LCOR: variants seen among roughly 807,000 people sequenced by gnomAD.
LCOR encodes the protein ligand dependent nuclear receptor corepressor.
Under a neutral mutation model 64.4 loss-of-function variants are expected in LCOR, and 14 were observed. The observed-to-expected ratio is 0.22, with a 90% confidence interval of 0.14 to 0.34. LCOR has a LOEUF of 0.34. Among genes scored for constraint, LCOR ranks in the 10% least tolerant of loss-of-function variants. The probability of loss-of-function intolerance (pLI) is 1.00; values close to 1 mark genes in which losing one functional copy is unlikely to be tolerated. For missense variants in LCOR, 1,686 were observed against 1,765.3 expected (o/e 0.96, Z 0.80); for synonymous variants, 643 against 642.5 (o/e 1.00, Z -0.01).
At chr10:96,852,483 C>T (rs1003059163) in intron 2 of LCOR, among the ~76,000 whole-genome samples, 5 of 152,126 alleles carry the variant, frequency 3.3e-5, no homozygotes, top group Middle Eastern at 3.2e-3. Flanking sequence ...ACATATGAAA[C>T]GTAAATGAAT....
chr10:96,873,612 G>GTGTGT (rs1466372281), intron 2 of LCOR, among the ~76,000 whole-genome samples: 2 of 139,110 alleles, frequency 1.4e-5, no homozygotes, highest in Non-Finnish European at 3.1e-5. Flanking sequence ...GTGTGTGTGT[G>GTGTGT]TGTGTTTTGA....
At position 96,981,798 on chromosome 10, in the gene LCOR, A is replaced by T; in HGVS notation, c.1338A>T (p.Ser446=). The T allele has an allele frequency of 6.2e-7, 1 of 1,614,242 alleles. No homozygotes were observed. Among genetic ancestry groups the T allele is most frequent in the Non-Finnish European group, 8.5e-7 (1 of 1,180,048 alleles). ...ANGHSRTKMI[S]TSIKTARKSK... is the part of the protein sequence containing the mutation. ...GACACTCAAGAACCAAGATGATATC[A>T]ACCTCCATCAAGACAGCTCGGAAAA... The change falls in exon 8 of 8, where the codon TCA becomes TCT. Residue 446 remains serine, a synonymous_variant. Coordinates refer to ENST00000421806, the MANE Select transcript of LCOR (RefSeq NM_001346516.2).
Position 96,948,996 on chromosome 10 carries a change from C to G in LCOR, c.-50-12C>G. 1 of 1,557,180 alleles carries G rather than the reference C, an allele frequency of 6.4e-7. No individual in the cohort carries two copies. The highest frequency in any genetic ancestry group is 8.7e-7 in the Non-Finnish European group (1 of 1,146,192). ...TGTCCCACTTTAAAAGTAAATAAATCTTTATTTACAGACAGTCCCTGGGTC... is the reference window on the plus strand; with the variant it reads ...TGTCCCACTTTAAAAGTAAATAAATGTTTATTTACAGACAGTCCCTGGGTC... On this transcript the variant is annotated splice_polypyrimidine_tract_variant and intron_variant, in intron 5 of 7. Transcript: ENST00000421806.
intron 2 of LCOR, among the ~76,000 whole-genome samples, chr10:96,843,318 AG>A (rs1471256120): frequency 6.6e-6 from 1 of 152,068 alleles, no homozygotes; most frequent in Non-Finnish European, 1.5e-5. Flanking sequence ...TTTTTGGTAG[AG>A]ATGAGGTCTT....
chr10:96,982,829 A>T lies in LCOR; in HGVS notation c.2369A>T (p.Asp790Val), dbSNP rs1848104947. 6.2e-7 allele frequency: 1 copy of T among 1,614,140 alleles called. No homozygotes were observed. The highest frequency in any genetic ancestry group is 8.5e-7 in the Non-Finnish European group (1 of 1,180,040). The change falls in exon 8 of 8, where the codon GAT (aspartate) becomes GTT (valine). Residue 790 changes from aspartate (D) to valine (V), a missense_variant. This residue lies in a region of LCOR where 1,293 missense variants were observed against 1,410.4 expected (regional missense o/e 0.92). Coordinates refer to ENST00000421806, the MANE Select transcript of LCOR (RefSeq NM_001346516.2). Reference sequence around the variant, plus strand: ...TGCCTGTCAGAAAAAGACACGTATGATACAAGCATTGACTCACTCGAAGAG... The same window carrying T: ...TGCCTGTCAGAAAAAGACACGTATGTTACAAGCATTGACTCACTCGAAGAG... ...VKCLSEKDTY[D>V]TSIDSLEENL...
chr10:96,977,797 C>T (rs903037875), intron 7 of LCOR, among the ~76,000 whole-genome samples: 1 of 152,120 alleles, frequency 6.6e-6, no homozygotes, highest in East Asian at 1.9e-4. Flanking sequence ...TTAAGTCTCC[C>T]AGGTAGCTGG....
intron 2 of LCOR, among the ~76,000 whole-genome samples, chr10:96,880,971 A>G (rs1488798657): frequency 6.6e-6 from 1 of 152,240 alleles, no homozygotes; most frequent in Non-Finnish European, 1.5e-5. Context: ...AATTCATTAC[A>G]TACAATGGAT....
At chr10:96,955,067 C>A in intron 7 of LCOR, 2 of 1,614,128 alleles carry the variant, frequency 1.2e-6, no homozygotes, top group Non-Finnish European at 1.7e-6. Context: ...CCACATCACT[C>A]AAAGTTCCAC....
chr10:96,878,549 CAAG>C (rs1189506466), intron 2 of LCOR, among the ~76,000 whole-genome samples: 6 of 152,076 alleles, frequency 3.9e-5, no homozygotes, highest in African/African-American at 1.2e-4. Flanking sequence ...TGCCATTAAC[CAAG>C]AAGGAGGAGA....
intron 7 of LCOR, among the ~76,000 whole-genome samples, chr10:96,954,126 C>T (rs1316090204): frequency 6.6e-6 from 1 of 152,034 alleles, no homozygotes; most frequent in Non-Finnish European, 1.5e-5. Context: ...GTTTATATCC[C>T]TCTGACAGTA....
chr10:96,957,856 T>C, intron 7 of LCOR: 12 of 986,046 alleles, frequency 1.2e-5, no homozygotes, highest in Non-Finnish European at 1.4e-5. Context: ...AATCAGTGGA[T>C]AACTGAGCCT....
intron 2 of LCOR, among the ~76,000 whole-genome samples, chr10:96,839,441 C>T (rs1379001930): frequency 6.6e-6 from 1 of 152,132 alleles, no homozygotes; most frequent in Non-Finnish European, 1.5e-5. Context: ...CGGTGTCTCA[C>T]ACCTGTAATC....
chr10:96,883,857 A>T (rs1361624926), intron 2 of LCOR, among the ~76,000 whole-genome samples: 1 of 152,254 alleles, frequency 6.6e-6, no homozygotes, highest in African/African-American at 2.4e-5. Flanking sequence ...AAAATTGTAC[A>T]TATTTGTGGT....
chr10:96,947,942 C>A (rs978676751), intron 5 of LCOR, among the ~76,000 whole-genome samples: 1 of 152,080 alleles, frequency 6.6e-6, no homozygotes, highest in Non-Finnish European at 1.5e-5. Flanking sequence ...AAATCGAATA[C>A]ACTTTAAATC....
intron 7 of LCOR, among the ~76,000 whole-genome samples, chr10:96,964,857 T>A (rs893197882): frequency 2.6e-5 from 4 of 152,226 alleles, no homozygotes; most frequent in Admixed American, 2.6e-4. Context: ...ATAGTGACTA[T>A]TTTTTGTTTG....
rs1444955218 is a variant in LCOR, at chr10:96,988,977, T to C, written c.*3843T>C. 6.6e-6 allele frequency: 1 copy of C among 152,234 alleles called. No homozygotes were observed. Among genetic ancestry groups the C allele is most frequent in the African/African-American group, 2.4e-5 (1 of 41,452 alleles). 9.4% of individuals were successfully genotyped at this position (152,234 alleles called of 1,614,324 possible). On this transcript the variant is annotated 3_prime_UTR_variant, in exon 8 of 8. Coordinates refer to ENST00000421806, the MANE Select transcript of LCOR (RefSeq NM_001346516.2). ...ATACTATCTGGACCTTCAGAAAACATCTGCTGATCCCTGCTTGAGAAAGTC... is the reference window on the plus strand; with the variant it reads ...ATACTATCTGGACCTTCAGAAAACACCTGCTGATCCCTGCTTGAGAAAGTC...
At position 96,931,527 on chromosome 10, in the gene LCOR, G is replaced by A. The variant is rs919544374; in HGVS notation, c.-183-12586G>A. The stretch of plus-strand genomic sequence containing the variant: ...TGGGATTAACAGCATGAGCCACTGC[G>A]CCTGGCAGCATTGGTAGTTTCTATA... On this transcript the variant is annotated intron_variant, in intron 4 of 7. Coordinates refer to ENST00000421806, the MANE Select transcript of LCOR (RefSeq NM_001346516.2). 2.6e-5 allele frequency among the ~76,000 whole-genome samples: 4 copies of A among 152,062 alleles called. No individual in the cohort carries two copies. The South Asian group carries it at 6.2e-4, about 24-fold the overall frequency.
chr10:96,989,695 A>ATATATATATATATATATATATATATATT lies in LCOR; in HGVS notation c.*4562_*4563insATATATATATATATATATATATATATTT, dbSNP rs1371771053. 1 of 86,162 alleles carries ATATATATATATATATATATATATATATT rather than the reference A, an allele frequency of 1.2e-5. No individual in the cohort carries two copies. Among genetic ancestry groups the ATATATATATATATATATATATATATATT allele is most frequent in the African/African-American group, 6.2e-5 (1 of 16,172 alleles). 5.3% of individuals were successfully genotyped at this position (86,162 alleles called of 1,614,324 possible). A position where few individuals can be genotyped will look rare whatever the true frequency, so the allele number is the denominator to read the frequency against. On this transcript the variant is annotated 3_prime_UTR_variant, in exon 8 of 8. Coordinates refer to ENST00000421806, the MANE Select transcript of LCOR (RefSeq NM_001346516.2). ...TAAGGATATATATATATATATATAT[A>ATATATATATATATATATATATATATATT]TTTTTTTTTTTTTTTTTTTTTTTTA...
chr10:96,985,093 G>A lies in LCOR; in HGVS notation c.4633G>A (p.Asp1545Asn), dbSNP rs1313504694. Residue 1545 changes from aspartate to asparagine, a missense_variant, in exon 8 of 8, where the codon GAC becomes AAC. Asp to Asn is a conservative substitution (Grantham distance 23). This residue lies in a region of LCOR where 1,293 missense variants were observed against 1,410.4 expected (regional missense o/e 0.92). Coordinates refer to ENST00000421806, the MANE Select transcript of LCOR (RefSeq NM_001346516.2). ...AAAGCGAAAGCTGAAGGCAAAGCTGGACTGTTCGCACAGCAAACGGAGGCG... is the reference window on the plus strand; with the variant it reads ...AAAGCGAAAGCTGAAGGCAAAGCTGAACTGTTCGCACAGCAAACGGAGGCG... Reference protein sequence around the residue: ...QRKRKLKAKLDCSHSKRRRLD... With the variant: ...QRKRKLKAKLNCSHSKRRRLD... 1.2e-6 allele frequency: 2 copies of A among 1,609,638 alleles called. No individual in the cohort carries two copies. Among genetic ancestry groups the A allele is most frequent in the Non-Finnish European group, 1.7e-6 (2 of 1,178,878 alleles).
Sources: gnomAD v4.1 joint callset for allele counts (sites outside exome capture counted in the v4.1 genomes callset) on GRCh38, gnomAD v4.1.1 for gene constraint, gnomAD v4.1.1 regional missense constraint, MANE v1.5 for transcripts, NCBI Gene and HGNC (gene_info 2026-07-23, HGNC 2026-07-21) for gene names.